Variants in ADAM22 observed in about 807,000 individuals in gnomAD.
ADAM22 encodes ADAM metallopeptidase domain 22.
In ADAM22, 65 loss-of-function variants were observed where a neutral mutation model predicts 144.6. The ratio of observed to expected loss-of-function variants is 0.45; its 90% CI spans 0.37 to 0.55. The LOEUF (loss-of-function observed/expected upper bound fraction) is 0.55, where lower values mean the gene tolerates loss of function less well. Ranked by LOEUF, ADAM22 falls within the 20% of genes least tolerant of loss-of-function variation. The probability of loss-of-function intolerance (pLI) is 0.00; values close to 1 mark genes in which losing one functional copy is unlikely to be tolerated. For synonymous variants in ADAM22, 391 were observed against 412.6 expected, an observed-to-expected ratio of 0.95 and a Z score of 0.63; for missense variants, 974 against 1,184.9, an observed-to-expected ratio of 0.82 and a Z score of 2.61.
At position 88,162,097 on chromosome 7, in the gene ADAM22, T is replaced by TACACACACACACACACACACACAC. The variant is rs61053925; in HGVS notation, c.1908-902_1908-879dup. Among the ~76,000 whole-genome samples the TACACACACACACACACACACACAC allele has an allele frequency of 2.1e-3, 292 of 136,816 alleles. 3 individuals are homozygous for TACACACACACACACACACACACAC. Among genetic ancestry groups the TACACACACACACACACACACACAC allele is most frequent in the East Asian group, 7.1e-3 (31 of 4,356 alleles). The allele number at this position is 136,816 out of a possible 152,430, so 89.8% of individuals were successfully genotyped here. A position where few individuals can be genotyped will look rare whatever the true frequency, so the allele number is the denominator to read the frequency against. ...CAGACTGGATAAAGAAAATGTGTAA[T>TACACACACACACACACACACACAC]ACACACACACACACACACACACACA... On this transcript the variant is annotated intron_variant, in intron 22 of 31. Transcript: ENST00000413139.
intron 3 of ADAM22, among the ~76,000 whole-genome samples, chr7:88,060,441 C>T (rs1431753478): frequency 6.6e-6 from 1 of 152,120 alleles, no homozygotes; most frequent in African/African-American, 2.4e-5. Context: ...ACAGTGTTCA[C>T]AACATTTTCA....
chr7:88,124,729 G>A (rs1374853390), intron 7 of ADAM22, among the ~76,000 whole-genome samples: 5 of 151,872 alleles, frequency 3.3e-5, no homozygotes, highest in Non-Finnish European at 5.9e-5. Context: ...TCTGAAAAAT[G>A]ACATGATGGG....
chr7:88,163,016 G>T lies in ADAM22; in HGVS notation c.1912G>T (p.Gly638Trp). The T allele has an allele frequency of 1.2e-6, 2 of 1,607,080 alleles. No individual in the cohort carries two copies. The highest frequency in any genetic ancestry group is 1.7e-6 in the Non-Finnish European group (2 of 1,177,562). The change falls in exon 23 of 32, where the codon GGG (glycine) becomes TGG (tryptophan). Residue 638 changes from glycine to tryptophan, a missense_variant. Physicochemically the swap from Gly to Trp is radical, Grantham distance 184. Coordinates refer to ENST00000413139, the MANE Select transcript of ADAM22 (RefSeq NM_001324418.2). ...QQGRTLNCSG[G>W]HVKLEEDVDL... ...TTGCTCTCAATTTGTTTTTAGTGGT[G>T]GGCATGTTAAGCTTGAAGAAGATGT...
At chr7:88,029,039 G>C (rs1293866292) in intron 3 of ADAM22, among the ~76,000 whole-genome samples, 2 of 151,938 alleles carry the variant, frequency 1.3e-5, no homozygotes, top group Non-Finnish European at 1.5e-5. Context: ...GGGTATATGA[G>C]ATGTTTCATT....
chr7:88,154,775 T>C (rs1455071734), intron 21 of ADAM22, among the ~76,000 whole-genome samples: 2 of 152,136 alleles, frequency 1.3e-5, no homozygotes, highest in Non-Finnish European at 2.9e-5. Context: ...TACAGTAAAA[T>C]GATAACATAA....
chr7:88,087,633 A>G (rs1408387960), intron 4 of ADAM22, among the ~76,000 whole-genome samples: 6 of 152,190 alleles, frequency 3.9e-5, no homozygotes, highest in Admixed American at 3.9e-4. Context: ...CCAATGAAAG[A>G]TCATGACAGT....
At chr7:87,974,158 G>A (rs1431100397) in intron 2 of ADAM22, among the ~76,000 whole-genome samples, 1 of 150,636 alleles carries the variant, frequency 6.6e-6, no homozygotes, top group Non-Finnish European at 1.5e-5. Context: ...AAAAAAATTA[G>A]CCAGCCGTGG....
chr7:87,993,081 T>C (rs1637511), intron 3 of ADAM22, among the ~76,000 whole-genome samples: 61,277 of 151,940 alleles, frequency 0.4, 13,117 homozygotes, highest in Non-Finnish European at 0.45. Context: ...GCTAGTGGCG[T>C]ATGGGGTGGA....
At chr7:87,939,214 A>T (rs1293875108) in intron 2 of ADAM22, among the ~76,000 whole-genome samples, 1 of 152,180 alleles carries the variant, frequency 6.6e-6, no homozygotes, top group Non-Finnish European at 1.5e-5. Context: ...GTGAGTTTGG[A>T]ATTGCTGCAT....
intron 2 of ADAM22, among the ~76,000 whole-genome samples, chr7:87,965,076 C>T (rs980237629): frequency 3.3e-5 from 5 of 152,106 alleles, no homozygotes; most frequent in Admixed American, 1.3e-4. Flanking sequence ...TGTGTTCTTC[C>T]TACCAGTCTT....
chr7:87,982,973 G>T (rs1197582274), intron 3 of ADAM22, among the ~76,000 whole-genome samples: 1 of 151,640 alleles, frequency 6.6e-6, no homozygotes, highest in Non-Finnish European at 1.5e-5. Flanking sequence ...TTACAAGTAT[G>T]AGCCACCATG....
chr7:88,109,869 AG>A lies in ADAM22; in HGVS notation c.473+1614del, dbSNP rs1423195545. 4.6e-5 allele frequency among the ~76,000 whole-genome samples: 7 copies of A among 152,280 alleles called. No individual in the cohort carries two copies. In the East Asian group the frequency reaches 1.2e-3, roughly 25 times the overall value. ...GGTTGGAATAGCCTATCCAAGGGAG[AG>A]GGTTACACTGACAGATCTTAAATCT... is the stretch of plus-strand genomic sequence containing the variant. On this transcript the variant is annotated intron_variant, in intron 5 of 31. Transcript: ENST00000413139.
chr7:88,051,722 T>G (rs912965530), intron 3 of ADAM22, among the ~76,000 whole-genome samples: 1 of 151,982 alleles, frequency 6.6e-6, no homozygotes, highest in Non-Finnish European at 1.5e-5. Flanking sequence ...AAAAAAAGAA[T>G]GTGGTTTTTC....
chr7:88,017,010 T>C (rs1019823703), intron 3 of ADAM22, among the ~76,000 whole-genome samples: 1 of 152,080 alleles, frequency 6.6e-6, no homozygotes, highest in African/African-American at 2.4e-5. Context: ...CCCAGCTTCT[T>C]GTGAAGGCTG....
intron 4 of ADAM22, among the ~76,000 whole-genome samples, chr7:88,079,965 A>C (rs1028926040): frequency 6.6e-6 from 1 of 152,240 alleles, no homozygotes; most frequent in African/African-American, 2.4e-5. Flanking sequence ...AAGGATATCC[A>C]GGAATTGAAT....
intron 2 of ADAM22, among the ~76,000 whole-genome samples, chr7:87,959,889 C>A (rs1847658321): frequency 6.6e-6 from 1 of 152,104 alleles, no homozygotes; most frequent in Admixed American, 6.5e-5. Context: ...ATATACAATT[C>A]AGTGGTTTTT....
chr7:88,192,418 A>G (rs989324330), intron 30 of ADAM22, among the ~76,000 whole-genome samples: 11 of 152,248 alleles, frequency 7.2e-5, no homozygotes, highest in African/African-American at 2.7e-4. Flanking sequence ...ACCACTACAC[A>G]TGCAAAATCA....
chr7:88,152,266 A>G (rs1362046994), intron 20 of ADAM22, among the ~76,000 whole-genome samples: 1 of 152,126 alleles, frequency 6.6e-6, no homozygotes, highest in Non-Finnish European at 1.5e-5. Context: ...TGTTTTTTTT[A>G]AAAATATACC....
chr7:87,959,058 T>C (rs1264802060), intron 2 of ADAM22, among the ~76,000 whole-genome samples: 1 of 152,190 alleles, frequency 6.6e-6, no homozygotes, highest in East Asian at 1.9e-4. Context: ...GAATTTACTA[T>C]AGTTTTAGAA....
Sources: gnomAD v4.1 joint callset for allele counts (sites outside exome capture counted in the v4.1 genomes callset) on GRCh38, gnomAD v4.1.1 for gene constraint, MANE v1.5 for transcripts, NCBI Gene and HGNC (gene_info 2026-07-23, HGNC 2026-07-21) for gene names.